SMOC2: variants seen among roughly 807,000 people sequenced by gnomAD.
The protein encoded by SMOC2 is SPARC related modular calcium binding 2.
SMOC2 carries 39 observed loss-of-function variants against 61.4 expected under a neutral mutation model. The observed-to-expected ratio is 0.64, with a 90% confidence interval of 0.49 to 0.83. The LOEUF (loss-of-function observed/expected upper bound fraction) is 0.83. Ranked by LOEUF, SMOC2 falls within the 40% of genes least tolerant of loss-of-function variation. The pLI is 0.00. For synonymous variants in SMOC2, 247 were observed against 239.9 expected (o/e 1.03, Z -0.27); for missense variants, 556 against 592.9 (o/e 0.94, Z 0.65).
At chr6:168,560,095 C>T (rs1206129462) in intron 7 of SMOC2, among the ~76,000 whole-genome samples, 1 of 152,170 alleles carries the variant, frequency 6.6e-6, no homozygotes, top group African/African-American at 2.4e-5. Context: ...AAAAAGACAG[C>T]TTTATGTTTT....
intron 11 of SMOC2, among the ~76,000 whole-genome samples, chr6:168,656,381 C>T (rs1189159833): frequency 6.6e-6 from 1 of 151,834 alleles, no homozygotes; most frequent in African/African-American, 2.4e-5. Context: ...CATGATGGCT[C>T]ATGCCTGTAG....
intron 9 of SMOC2, among the ~76,000 whole-genome samples, chr6:168,644,797 G>C (rs1427544022): frequency 6.6e-6 from 1 of 151,906 alleles, no homozygotes; most frequent in East Asian, 1.9e-4. Context: ...TTATAGGCAT[G>C]TACCACCATG....
chr6:168,551,643 A>G (rs1784133167), intron 7 of SMOC2, among the ~76,000 whole-genome samples: 1 of 152,030 alleles, frequency 6.6e-6, no homozygotes, highest in African/African-American at 2.4e-5. Flanking sequence ...TAGTAGAGAC[A>G]GGGTTTCACC....
intron 9 of SMOC2, among the ~76,000 whole-genome samples, chr6:168,634,243 G>A (rs565993640): frequency 5.1e-4 from 77 of 152,280 alleles, no homozygotes; most frequent in African/African-American, 1.7e-3. Flanking sequence ...CTTCATGGCT[G>A]AGCCTCTGTT....
At chr6:168,498,530 G>T (rs1258324280) in intron 1 of SMOC2, among the ~76,000 whole-genome samples, 2 of 152,194 alleles carry the variant, frequency 1.3e-5, no homozygotes, top group African/African-American at 4.8e-5. Context: ...AGTAAAAGAG[G>T]TCAGGTCATT....
chr6:168,626,225 G>A (rs1027083136), intron 9 of SMOC2, among the ~76,000 whole-genome samples: 1 of 152,120 alleles, frequency 6.6e-6, no homozygotes, highest in Non-Finnish European at 1.5e-5. Flanking sequence ...CTCACTCCTC[G>A]CACAGACTCA....
At chr6:168,480,955 T>C (rs1297383713) in intron 1 of SMOC2, among the ~76,000 whole-genome samples, 1 of 152,100 alleles carries the variant, frequency 6.6e-6, no homozygotes, top group African/African-American at 2.4e-5. Flanking sequence ...ACAATCAAAC[T>C]ATCAACTGAG....
chr6:168,461,334 G>A lies in SMOC2; in HGVS notation c.84+19880G>A, dbSNP rs374503598. On this transcript the variant is annotated intron_variant, in intron 1 of 12. Coordinates refer to ENST00000356284, the MANE Select transcript of SMOC2 (RefSeq NM_001166412.2). ...TTATGGGGGCTACAAGATGAGATTTGAGTGGGGACACAGAGCCAAACCATA... is the reference window on the plus strand; with the variant it reads ...TTATGGGGGCTACAAGATGAGATTTAAGTGGGGACACAGAGCCAAACCATA... 7.9e-5 allele frequency among the ~76,000 whole-genome samples: 12 copies of A among 152,314 alleles called. No individual in the cohort carries two copies. The East Asian group carries it at 1.7e-3, about 22-fold the overall frequency.
intron 8 of SMOC2, among the ~76,000 whole-genome samples, chr6:168,600,178 G>T (rs1350490591): frequency 6.6e-6 from 1 of 152,042 alleles, no homozygotes; most frequent in African/African-American, 2.4e-5. Flanking sequence ...GGCCGAGGCG[G>T]GTGGATCACC....
intron 9 of SMOC2, among the ~76,000 whole-genome samples, chr6:168,619,860 G>T (rs1291868676): frequency 6.6e-6 from 1 of 152,204 alleles, no homozygotes. Context: ...GCCTGCCATG[G>T]TTAGAAAGCC....
chr6:168,461,258 C>T (rs986298697), intron 1 of SMOC2, among the ~76,000 whole-genome samples: 3 of 152,114 alleles, frequency 2.0e-5, no homozygotes, highest in Non-Finnish European at 4.4e-5. Context: ...GAAAGACCTG[C>T]CTCCATGATT....
intron 1 of SMOC2, among the ~76,000 whole-genome samples, chr6:168,507,867 G>A (rs1295011875): frequency 2.0e-5 from 3 of 152,236 alleles, no homozygotes; most frequent in Non-Finnish European, 4.4e-5. Flanking sequence ...GTGAAAAATA[G>A]CTCACTCTGA....
At chr6:168,467,810 C>T (rs568927506) in intron 1 of SMOC2, among the ~76,000 whole-genome samples, 60 of 152,250 alleles carry the variant, frequency 3.9e-4, no homozygotes, top group Middle Eastern at 3.4e-3. Context: ...TGAGTTTATT[C>T]GGTTACTTTT....
chr6:168,503,503 C>T (rs992033614), intron 1 of SMOC2, among the ~76,000 whole-genome samples: 1 of 152,146 alleles, frequency 6.6e-6, no homozygotes, highest in Non-Finnish European at 1.5e-5. Flanking sequence ...GGCTGGGAAG[C>T]AAATGCCCTC....
chr6:168,625,709 G>A (rs1354875830), intron 9 of SMOC2, among the ~76,000 whole-genome samples: 7 of 152,298 alleles, frequency 4.6e-5, no homozygotes, highest in Non-Finnish European at 7.3e-5. Context: ...GCCTGTGTCC[G>A]TGTGAGCCCT....
At chr6:168,464,707 T>G (rs9346713) in intron 1 of SMOC2, among the ~76,000 whole-genome samples, 6,305 of 152,284 alleles carry the variant, frequency 0.041, 515 homozygotes, top group East Asian at 0.3. Flanking sequence ...TTTTTATCGT[T>G]GAATGTGTAA....
At chr6:168,558,935 GTGCGTGTGCA>G (rs552844570) in intron 7 of SMOC2, among the ~76,000 whole-genome samples, 52 of 152,200 alleles carry the variant, frequency 3.4e-4, no homozygotes, top group South Asian at 2.5e-3. Context: ...GCGCACGTGT[GTGCGTGTGCA>G]TGCGTGTGCA....
At chr6:168,515,011 T>A (rs1479332168) in intron 2 of SMOC2, among the ~76,000 whole-genome samples, 1 of 152,210 alleles carries the variant, frequency 6.6e-6, no homozygotes, top group Non-Finnish European at 1.5e-5. Flanking sequence ...AGTGACATTC[T>A]CTTTGGACAG....
At chr6:168,519,519 A>G (rs1459983113) in intron 2 of SMOC2, among the ~76,000 whole-genome samples, 2 of 152,184 alleles carry the variant, frequency 1.3e-5, no homozygotes, top group African/African-American at 4.8e-5. Context: ...TGGGGTAGAC[A>G]TAACAGGAGA....
Sources: gnomAD v4.1 joint callset for allele counts (sites outside exome capture counted in the v4.1 genomes callset) on GRCh38, gnomAD v4.1.1 for gene constraint, MANE v1.5 for transcripts, NCBI Gene and HGNC (gene_info 2026-07-23, HGNC 2026-07-21) for gene names.